The following KCNH1 variants were observed in gnomAD, a reference collection of about 807,000 sequenced individuals.
The protein encoded by KCNH1 is voltage-gated delayed rectifier potassium channel KCNH1.
A neutral mutation model predicts 69.2 loss-of-function variants in KCNH1; 27 were observed. The ratio of observed to expected loss-of-function variants is 0.39; its 90% CI spans 0.29 to 0.54. The LOEUF is 0.54. Ranked by LOEUF, KCNH1 falls within the 20% of genes least tolerant of loss-of-function variation. The probability of loss-of-function intolerance (pLI) is 0.68; values close to 1 mark genes in which losing one functional copy is unlikely to be tolerated. For synonymous variants in KCNH1, 456 were observed against 487.7 expected, an observed-to-expected ratio of 0.93 and a Z score of 0.86; for missense variants, 798 against 1,261.6, an observed-to-expected ratio of 0.63 and a Z score of 5.57.
At chr1:211,071,829 T>C (rs1302465429) in intron 5 of KCNH1, among the ~76,000 whole-genome samples, 2 of 152,186 alleles carry the variant, frequency 1.3e-5, no homozygotes, top group African/African-American at 4.8e-5. Context: ...ACTCACATAG[T>C]TCAAACCCAT....
Position 210,780,018 on chromosome 1 carries a change from G to A in KCNH1, c.1916-4474C>T, listed in dbSNP as rs979972897. ...TGCAGGCAATTTGGTTAAATGAAGG[G>A]CAAAGGCTAGAACAGCCAGCCACTT... On this transcript the variant is annotated intron_variant, in intron 9 of 10. Coordinates refer to ENST00000271751, the MANE Select transcript of KCNH1 (RefSeq NM_172362.3). 1.4e-4 allele frequency among the ~76,000 whole-genome samples: 21 copies of A among 152,192 alleles called. 2 individuals carry two copies. Among genetic ancestry groups the A allele is most frequent in the Admixed American group, 5.2e-4 (8 of 15,286 alleles).
At chr1:210,771,162 C>T (rs138153562) in intron 10 of KCNH1, among the ~76,000 whole-genome samples, 1 of 152,258 alleles carries the variant, frequency 6.6e-6, no homozygotes, top group African/African-American at 2.4e-5. Flanking sequence ...GAGGAAAAAG[C>T]GCATAGACCT....
chr1:211,017,353 T>C (rs1009358038), intron 6 of KCNH1, among the ~76,000 whole-genome samples: 1 of 152,176 alleles, frequency 6.6e-6, no homozygotes, highest in Non-Finnish European at 1.5e-5. Flanking sequence ...GGGAGCAAGC[T>C]GTTCCTTTCA....
At chr1:210,884,057 C>A (rs766767064) in intron 7 of KCNH1, among the ~76,000 whole-genome samples, 2 of 152,098 alleles carry the variant, frequency 1.3e-5, no homozygotes, top group Non-Finnish European at 2.9e-5. Flanking sequence ...TATGTCAGAT[C>A]TAGTGAGACG....
chr1:210,996,326 A>G (rs146405388), intron 6 of KCNH1, among the ~76,000 whole-genome samples: 9,789 of 152,286 alleles, frequency 0.064, 503 homozygotes, highest in South Asian at 0.18. Context: ...ACGGCACACC[A>G]GGAGATTATA....
intron 7 of KCNH1, among the ~76,000 whole-genome samples, chr1:210,854,941 T>C (rs1685799985): frequency 6.6e-6 from 1 of 152,184 alleles, no homozygotes; most frequent in African/African-American, 2.4e-5. Context: ...GGCTGGGAAG[T>C]AATAATTCAG....
At position 210,894,265 on chromosome 1, in the gene KCNH1, G is replaced by A. The variant is rs1165122315; in HGVS notation, c.1462+25375C>T. 2.0e-5 allele frequency among the ~76,000 whole-genome samples: 3 copies of A among 152,280 alleles called. No individual in the cohort carries two copies. In the South Asian group the frequency reaches 6.2e-4, roughly 32 times the overall value. ...TTGATCCTTTGAGTCTTACCTTTAAGATTTGTTAAGTGGACCCAGAGCATT... is the reference window on the plus strand; with the variant it reads ...TTGATCCTTTGAGTCTTACCTTTAAAATTTGTTAAGTGGACCCAGAGCATT... On this transcript the variant is annotated intron_variant, in intron 7 of 10. Coordinates refer to ENST00000271751, the MANE Select transcript of KCNH1 (RefSeq NM_172362.3).
At chr1:210,946,100 C>T (rs1394196465) in intron 6 of KCNH1, among the ~76,000 whole-genome samples, 3 of 152,190 alleles carry the variant, frequency 2.0e-5, no homozygotes, top group African/African-American at 4.8e-5. Flanking sequence ...TCACAGCTTA[C>T]AAAACTTTTA....
intron 5 of KCNH1, among the ~76,000 whole-genome samples, chr1:211,074,709 A>G (rs1558593336): frequency 6.6e-6 from 1 of 152,242 alleles, no homozygotes; most frequent in Non-Finnish European, 1.5e-5. Context: ...ATCTATAATC[A>G]GTCAATTTTC....
intron 6 of KCNH1, among the ~76,000 whole-genome samples, chr1:210,923,028 A>C (rs75209455): frequency 0.012 from 1,891 of 151,744 alleles, 31 homozygotes; most frequent in African/African-American, 0.043. Flanking sequence ...TGTAGAACCT[A>C]GTATGTACTC....
At position 211,018,961 on chromosome 1, in the gene KCNH1, T is replaced by C; in HGVS notation, c.854A>G (p.Lys285Arg). Reference sequence around the variant, plus strand: ...CTTCAGGTAGTTCATGCGGATAAGTTTGGGGTCAGAAATCACCTCCCCTGC... The same window carrying C: ...CTTCAGGTAGTTCATGCGGATAAGTCTGGGGTCAGAAATCACCTCCCCTGC... ...GPAGEVISDPKLIRMNYLKTW... is the reference protein window; with the variant it reads ...GPAGEVISDPRLIRMNYLKTW... Residue 285 changes from lysine to arginine, a missense_variant, in exon 6 of 11, where the codon AAA (lysine) becomes AGA (arginine). Physicochemically the swap from Lys to Arg is conservative, Grantham distance 26. This residue lies in a region of KCNH1 where 266 missense variants were observed against 457.2 expected (regional missense o/e 0.58). Coordinates refer to ENST00000271751, the MANE Select transcript of KCNH1 (RefSeq NM_172362.3). 6.2e-7 allele frequency: 1 copy of C among 1,614,034 alleles called. No individual in the cohort carries two copies. The highest frequency in any genetic ancestry group is 8.5e-7 in the Non-Finnish European group (1 of 1,179,988).
rs1019380869 is a variant in KCNH1, at chr1:210,754,848, A to G, written c.2112+20500T>C. ...CTGATACACAAGTACACACGGGCAC[A>G]CACACACACACACACACACACACAC... On this transcript the variant is annotated intron_variant, in intron 10 of 10. Transcript: ENST00000271751. 2.0e-4 allele frequency among the ~76,000 whole-genome samples: 7 copies of G among 34,756 alleles called. 1 individual carries two copies. The highest frequency in any genetic ancestry group is 2.4e-3 in the South Asian group (2 of 826). 22.8% of individuals were successfully genotyped at this position (34,756 alleles called of 152,430 possible). A position where few individuals can be genotyped will look rare whatever the true frequency, so the allele number is the denominator to read the frequency against.
intron 5 of KCNH1, among the ~76,000 whole-genome samples, chr1:211,057,171 A>G (rs770145800): frequency 6.6e-5 from 10 of 152,240 alleles, no homozygotes; most frequent in Non-Finnish European, 1.5e-4. Flanking sequence ...GATAAACTTA[A>G]TAGATTAAAT....
At chr1:211,072,558 T>A (rs561063205) in intron 5 of KCNH1, among the ~76,000 whole-genome samples, 1 of 152,358 alleles carries the variant, frequency 6.6e-6, no homozygotes, top group Admixed American at 6.5e-5. Flanking sequence ...TGTTTGTGTT[T>A]ATGTATATGT....
rs116778958 is a variant in KCNH1, at chr1:211,011,728, C to A, written c.1032+7055G>T. On this transcript the variant is annotated intron_variant, in intron 6 of 10. Transcript: ENST00000271751. ...GGTCCCCTAGCCACTCCCCAGCTCC[C>A]ACACGTACACACCCCAGGTAGGATC... Among the ~76,000 whole-genome samples, 872 of 152,296 alleles carry A rather than the reference C, an allele frequency of 5.7e-3. 13 individuals are homozygous for A. Among genetic ancestry groups the A allele is most frequent in the African/African-American group, 0.02 (827 of 41,550 alleles).
At chr1:210,943,323 TTTTTTTATTTTTTA>T (rs571289908) in intron 6 of KCNH1, among the ~76,000 whole-genome samples, 5 of 151,842 alleles carry the variant, frequency 3.3e-5, no homozygotes, top group Non-Finnish European at 5.9e-5. Context: ...CTCCCCTTCT[TTTTTTTATTTTTTA>T]TTTTTTATTT....
intron 5 of KCNH1, among the ~76,000 whole-genome samples, chr1:211,074,441 C>T (rs1690698438): frequency 6.6e-6 from 1 of 152,138 alleles, no homozygotes; most frequent in African/African-American, 2.4e-5. Flanking sequence ...AATGACTTTG[C>T]ATCCTCTTTT....
chr1:210,906,830 C>A (rs1036103885), intron 7 of KCNH1, among the ~76,000 whole-genome samples: 3 of 152,134 alleles, frequency 2.0e-5, no homozygotes, highest in Non-Finnish European at 2.9e-5. Flanking sequence ...AAGAAGTAAT[C>A]ATATGGGCCA....
intron 7 of KCNH1, among the ~76,000 whole-genome samples, chr1:210,883,533 A>C (rs1686540269): frequency 6.6e-6 from 1 of 152,202 alleles, no homozygotes. Flanking sequence ...AGAACCAGAG[A>C]CTATGTTTAA....
Sources: gnomAD v4.1 joint callset for allele counts (sites outside exome capture counted in the v4.1 genomes callset) on GRCh38, gnomAD v4.1.1 for gene constraint, gnomAD v4.1.1 regional missense constraint, MANE v1.5 for transcripts, NCBI Gene and HGNC (gene_info 2026-07-23, HGNC 2026-07-21) for gene names.